Variants in FAAH2 observed in about 807,000 individuals in gnomAD.
The protein encoded by FAAH2 is fatty-acid amide hydrolase 2.
Under a neutral mutation model 36.9 loss-of-function variants are expected in FAAH2, and 60 were observed. That is an observed-to-expected ratio of 1.63 (90% CI 1.32 to 2.02). The LOEUF (loss-of-function observed/expected upper bound fraction) is 2.02, where lower values mean the gene tolerates loss of function less well. Among genes scored for constraint, FAAH2 ranks in the 30% most tolerant of loss-of-function variants. The probability of loss-of-function intolerance (pLI) is 0.00; values close to 1 mark genes in which losing one functional copy is unlikely to be tolerated. For missense variants in FAAH2, 689 were observed against 397.5 expected (o/e 1.73, Z -6.23); for synonymous variants, 214 against 143.8 (o/e 1.49, Z -3.49).
intron 3 of FAAH2, among the ~76,000 whole-genome samples, chrX:57,319,781 C>T (rs977763298): frequency 8.9e-6 from 1 of 111,868 alleles, no homozygotes; most frequent in Non-Finnish European, 1.9e-5. Context: ...TACTACAAGG[C>T]TACAGTAAAC....
chrX:57,301,303 T>C (rs1308559742), intron 2 of FAAH2, among the ~76,000 whole-genome samples: 1 of 110,574 alleles, frequency 9.0e-6, no homozygotes, highest in Non-Finnish European at 1.9e-5. Context: ...TGACTTCATT[T>C]CCTTTGTAGG....
chrX:57,364,040 G>GTTTTTTTTTT (rs2054352363), intron 5 of FAAH2, among the ~76,000 whole-genome samples: 1 of 76,448 alleles, frequency 1.3e-5, no homozygotes, highest in Non-Finnish European at 2.6e-5. Context: ...TTTTGTATTG[G>GTTTTTTTTTT]TGGGCTTAGG....
chrX:57,225,196 G>A, the FAAH2 span, among the ~76,000 whole-genome samples: 1 of 110,164 alleles, frequency 9.1e-6, no homozygotes, highest in African/African-American at 3.3e-5. Flanking sequence ...GGTTTGGTTT[G>A]TTCTTGTTTC....
At chrX:57,240,751 T>C in the FAAH2 span, among the ~76,000 whole-genome samples, 1 of 112,010 alleles carries the variant, frequency 8.9e-6, no homozygotes, top group Non-Finnish European at 1.9e-5. Flanking sequence ...AGAAGCTCTC[T>C]GATGGTTAAG....
rs898399686 is a variant in FAAH2 at position 57,324,398 on chromosome X, C to G, written c.413-7200C>G. Among the ~76,000 whole-genome samples, 13 of 111,598 alleles carry G rather than the reference C, an allele frequency of 1.2e-4. No homozygotes were observed. In the East Asian group the frequency reaches 1.7e-3, roughly 14 times the overall value. ...GAAGAAAGTCTTTGGTAGCTTGATGCGGATGGCATTGAATCTATAAATTAC... is the reference window on the plus strand; with the variant it reads ...GAAGAAAGTCTTTGGTAGCTTGATGGGGATGGCATTGAATCTATAAATTAC... On this transcript the variant is annotated intron_variant, in intron 3 of 10. Coordinates refer to ENST00000374900, the MANE Select transcript of FAAH2 (RefSeq NM_174912.4).
chrX:57,477,418 A>G (rs1214246574), intron 10 of FAAH2, among the ~76,000 whole-genome samples: 1 of 111,033 alleles, frequency 9.0e-6, no homozygotes, highest in Non-Finnish European at 1.9e-5. Flanking sequence ...ACTATAAACT[A>G]AAACATTTAC....
At chrX:57,397,811 G>A (rs753661087) in intron 7 of FAAH2, among the ~76,000 whole-genome samples, 12 of 109,792 alleles carry the variant, frequency 1.1e-4, no homozygotes, top group Non-Finnish European at 1.9e-4. Context: ...CCATTAACTC[G>A]TCATTTACAT....
chrX:57,412,681 C>A (rs1281205526), intron 7 of FAAH2, among the ~76,000 whole-genome samples: 2 of 112,045 alleles, frequency 1.8e-5, no homozygotes, highest in Admixed American at 1.9e-4. Context: ...CTGCAATAAA[C>A]ATATGTGTGT....
the FAAH2 span, among the ~76,000 whole-genome samples, chrX:57,166,573 T>A: frequency 8.9e-6 from 1 of 112,243 alleles, no homozygotes; most frequent in Non-Finnish European, 1.9e-5. Context: ...GTTTCAATGG[T>A]ATTATGTGAA....
chrX:57,357,252 A>G (rs753488496), intron 5 of FAAH2, among the ~76,000 whole-genome samples: 44 of 111,469 alleles, frequency 3.9e-4, no homozygotes, highest in African/African-American at 1.4e-3. Flanking sequence ...CCTAGGCAAT[A>G]CCATTCAGGA....
intron 5 of FAAH2, among the ~76,000 whole-genome samples, chrX:57,360,805 G>T (rs969069535): frequency 2.7e-5 from 3 of 110,068 alleles, no homozygotes; most frequent in African/African-American, 3.3e-5. Flanking sequence ...TTAGCTATGT[G>T]CCCTAGTGCT....
rs1286176220 is a variant in FAAH2 at position 57,301,005 on chromosome X, A to C, written c.275+8425A>C. Reference sequence around the variant, plus strand: ...GTGGAGAAATAGGAACACTTTTACAATGTTGGTGGGACTGTAAACTAGTTC... The same window carrying C: ...GTGGAGAAATAGGAACACTTTTACACTGTTGGTGGGACTGTAAACTAGTTC... On this transcript the variant is annotated intron_variant, in intron 2 of 10. Transcript: ENST00000374900. Among the ~76,000 whole-genome samples the C allele has an allele frequency of 1.9e-4, 21 of 111,033 alleles. No individual in the cohort carries two copies. In the East Asian group the frequency reaches 2.8e-3, roughly 15 times the overall value.
intron 10 of FAAH2, among the ~76,000 whole-genome samples, chrX:57,473,159 G>A (rs1205149685): frequency 2.7e-5 from 3 of 110,736 alleles, no homozygotes; most frequent in African/African-American, 9.8e-5. Flanking sequence ...TTTTCATGTA[G>A]GCATTTAATG....
At chrX:57,379,796 C>T (rs1462100681) in intron 6 of FAAH2, among the ~76,000 whole-genome samples, 1 of 91,476 alleles carries the variant, frequency 1.1e-5, no homozygotes, top group Non-Finnish European at 2.2e-5. Flanking sequence ...CAAAATTATT[C>T]TTGCCAAAGT....
the FAAH2 span, among the ~76,000 whole-genome samples, chrX:57,276,065 C>T: frequency 9.0e-6 from 1 of 111,570 alleles, no homozygotes; most frequent in African/African-American, 3.3e-5. Context: ...CCTCTGCACC[C>T]AGTGGACCTA....
the FAAH2 span, among the ~76,000 whole-genome samples, chrX:57,196,785 G>T: frequency 9.0e-6 from 1 of 111,427 alleles, no homozygotes; most frequent in Non-Finnish European, 1.9e-5. Context: ...GGTACCTGAT[G>T]CTGTTGCCTG....
rs1329055777 is a variant in FAAH2, at chrX:57,352,068, A to G, written c.742+10678A>G. ...TATATGTGTATATATATATATATAC[A>G]CATATATATATGTGTATATATATGC... On this transcript the variant is annotated intron_variant, in intron 5 of 10. Coordinates refer to ENST00000374900, the MANE Select transcript of FAAH2 (RefSeq NM_174912.4). Among the ~76,000 whole-genome samples the G allele has an allele frequency of 1.6e-4, 2 of 12,462 alleles. 1 individual carries two copies. The highest frequency in any genetic ancestry group is 6.4e-4 in the Non-Finnish European group (2 of 3,119). The allele number at this position is 12,462 out of a possible 115,157, so 10.8% of individuals were successfully genotyped here.
At chrX:57,191,139 C>T in the FAAH2 span, among the ~76,000 whole-genome samples, 24 of 111,629 alleles carry the variant, frequency 2.1e-4, no homozygotes, top group African/African-American at 7.8e-4. Flanking sequence ...TCCACATTCT[C>T]ACCAGCATTT....
the FAAH2 span, among the ~76,000 whole-genome samples, chrX:57,144,849 A>G: frequency 9.1e-6 from 1 of 109,807 alleles, no homozygotes; most frequent in Non-Finnish European, 1.9e-5. Flanking sequence ...AATGCCGTTA[A>G]TTCATTCCTT....
Sources: allele counts gnomAD v4.1 joint callset (sites outside exome capture counted in the v4.1 genomes callset), GRCh38; gene constraint gnomAD v4.1.1; transcripts MANE v1.5; gene names NCBI Gene and HGNC (gene_info 2026-07-23, HGNC 2026-07-21).